The following CACNA1C variants were observed in gnomAD, a reference collection of about 807,000 sequenced individuals.
CACNA1C encodes calcium voltage-gated channel subunit alpha1 C, also known as voltage-dependent L-type calcium channel subunit alpha-1C.
In CACNA1C, 30 loss-of-function variants were observed where a neutral mutation model predicts 229.0. That is an observed-to-expected ratio of 0.13 (90% CI 0.10 to 0.18). The LOEUF (loss-of-function observed/expected upper bound fraction) is 0.18, where lower values mean the gene tolerates loss of function less well. Ranked by LOEUF, CACNA1C falls within the 10% of genes least tolerant of loss-of-function variation. The probability of loss-of-function intolerance (pLI) is 1.00; values close to 1 mark genes in which losing one functional copy is unlikely to be tolerated. For synonymous variants in CACNA1C, 1,114 were observed against 1,132.5 expected (o/e 0.98, Z 0.33); for missense variants, 1,658 against 2,845.0 (o/e 0.58, Z 9.49).
At chr12:2,305,123 TCTC>T (rs2094911310) in intron 3 of CACNA1C, among the ~76,000 whole-genome samples, 1 of 152,192 alleles carries the variant, frequency 6.6e-6, no homozygotes, top group South Asian at 2.1e-4. Context: ...TCTTCCCTGA[TCTC>T]CTGTCCTGCA....
At chr12:2,499,581 G>T (rs1363605434) in intron 7 of CACNA1C, among the ~76,000 whole-genome samples, 2 of 152,180 alleles carry the variant, frequency 1.3e-5, no homozygotes, top group African/African-American at 2.4e-5. Context: ...TTGCCGAAAG[G>T]TCTTTGATAG....
At chr12:2,132,307 G>A (rs1422596242) in intron 3 of CACNA1C, among the ~76,000 whole-genome samples, 2 of 89,034 alleles carry the variant, frequency 2.2e-5, no homozygotes, top group African/African-American at 1.0e-4. Context: ...TCCTTCTCCT[G>A]CCTAATTGCC....
At chr12:2,521,048 C>G (rs2099808770) in intron 9 of CACNA1C, among the ~76,000 whole-genome samples, 1 of 152,352 alleles carries the variant, frequency 6.6e-6, no homozygotes, top group Admixed American at 6.5e-5. Flanking sequence ...AGGGGAGTGT[C>G]CAGGCCAAAA....
chr12:2,553,130 T>C (rs775688425), intron 10 of CACNA1C, among the ~76,000 whole-genome samples: 3 of 152,064 alleles, frequency 2.0e-5, no homozygotes, highest in Non-Finnish European at 2.9e-5. Context: ...CCCACCAACC[T>C]CCAGCTAGCC....
chr12:2,126,120 A>T (rs1256991636), intron 3 of CACNA1C, among the ~76,000 whole-genome samples: 1 of 150,390 alleles, frequency 6.6e-6, no homozygotes, highest in African/African-American at 2.5e-5. Context: ...TCCAGAATAG[A>T]GTTTTTTTTT....
intron 3 of CACNA1C, among the ~76,000 whole-genome samples, chr12:2,301,653 A>G (rs1482250112): frequency 6.6e-6 from 1 of 152,144 alleles, no homozygotes; most frequent in Admixed American, 6.5e-5. Flanking sequence ...CCCTTCTCAC[A>G]TAGTCCCTGT....
intron 3 of CACNA1C, among the ~76,000 whole-genome samples, chr12:2,296,754 T>A (rs1259002187): frequency 1.3e-5 from 2 of 152,244 alleles, no homozygotes; most frequent in Non-Finnish European, 2.9e-5. Flanking sequence ...TGGTCTGTGG[T>A]CTAACAGTAC....
At chr12:2,430,243 A>C (rs1308064693) in intron 3 of CACNA1C, among the ~76,000 whole-genome samples, 1 of 152,142 alleles carries the variant, frequency 6.6e-6, no homozygotes, top group Non-Finnish European at 1.5e-5. Flanking sequence ...GGATTTCAAC[A>C]TAGGAATTTG....
At chr12:2,372,736 A>G (rs1168059127) in intron 3 of CACNA1C, among the ~76,000 whole-genome samples, 1 of 152,158 alleles carries the variant, frequency 6.6e-6, no homozygotes, top group African/African-American at 2.4e-5. Context: ...TCCAAGGCCC[A>G]TCCATCCGTT....
In CACNA1C at chr12:2,403,014, A is replaced by G. The variant is rs190141692; in HGVS notation, c.478-45962A>G. On this transcript the variant is annotated intron_variant, in intron 3 of 46. Coordinates refer to ENST00000399655, the MANE Select transcript of CACNA1C (RefSeq NM_000719.7). The surrounding 1 kb of genome is among the most constrained non-coding windows in gnomAD (Gnocchi z 4.1). Reference sequence around the variant, plus strand: ...GCGAGCTGAAAGAGATAGACAGATCATGAGGATCTTCAAGTTAGGGGCATT... The same window carrying G: ...GCGAGCTGAAAGAGATAGACAGATCGTGAGGATCTTCAAGTTAGGGGCATT... Among the ~76,000 whole-genome samples the G allele has an allele frequency of 2.0e-5, 3 of 152,276 alleles. No homozygotes were observed. The East Asian group carries it at 5.8e-4, about 29-fold the overall frequency.
chr12:2,096,425 C>G (rs2074011899), intron 1 of CACNA1C, among the ~76,000 whole-genome samples: 1 of 152,172 alleles, frequency 6.6e-6, no homozygotes, highest in African/African-American at 2.4e-5. Flanking sequence ...TCTATCCTCC[C>G]ATCTCCTTCC....
At chr12:2,212,369 A>G (rs1187344976) in intron 3 of CACNA1C, among the ~76,000 whole-genome samples, 2 of 152,224 alleles carry the variant, frequency 1.3e-5, no homozygotes, top group East Asian at 1.9e-4. Context: ...AGATTATTAC[A>G]TATTATCTGA....
chr12:2,085,733 C>T (rs1404706419), intron 1 of CACNA1C, among the ~76,000 whole-genome samples: 3 of 152,150 alleles, frequency 2.0e-5, no homozygotes, highest in Non-Finnish European at 4.4e-5. Context: ...ACTGTGTCAC[C>T]AGGAAACAAA....
chr12:2,134,445 T>C (rs1425697765), intron 3 of CACNA1C, among the ~76,000 whole-genome samples: 47 of 109,120 alleles, frequency 4.3e-4, no homozygotes, highest in African/African-American at 7.2e-4. Context: ...CGGCTGGTAC[T>C]GGTTGTTCCT....
In CACNA1C at chr12:2,508,804, A is replaced by AT. The variant is rs371626411; in HGVS notation, c.1217+3865dup. On this transcript the variant is annotated intron_variant, in intron 8 of 46. Transcript: ENST00000399655. ...CAATATAAAGAATAGATATTAAAGGATTTTTTCAAAATACTTTATTATCTG... is the reference window on the plus strand; with the variant it reads ...CAATATAAAGAATAGATATTAAAGGATTTTTTTCAAAATACTTTATTATCTG... 4.5e-3 allele frequency among the ~76,000 whole-genome samples: 690 copies of AT among 152,306 alleles called. 9 individuals carry two copies. Among genetic ancestry groups the AT allele is most frequent in the African/African-American group, 0.016 (647 of 41,566 alleles).
chr12:2,075,474 C>G (rs1042215250), intron 1 of CACNA1C, among the ~76,000 whole-genome samples: 5 of 152,222 alleles, frequency 3.3e-5, no homozygotes, highest in Non-Finnish European at 5.9e-5. Flanking sequence ...TTAATTTGCT[C>G]AAGGTCACAC....
At chr12:1,981,557 G>A (rs2036137173) in intron 1 of CACNA1C, among the ~76,000 whole-genome samples, 1 of 152,172 alleles carries the variant, frequency 6.6e-6, no homozygotes, top group Admixed American at 6.5e-5. Flanking sequence ...GATTTAGCAT[G>A]TTATTTTGAA....
chr12:2,233,707 A>G (rs554200500), intron 3 of CACNA1C, among the ~76,000 whole-genome samples: 2 of 152,210 alleles, frequency 1.3e-5, no homozygotes, highest in African/African-American at 2.4e-5. Flanking sequence ...GAAGATATAT[A>G]CTTTGACTTG....
rs115653748 is a variant in CACNA1C, at chr12:2,626,076, A to C, written c.3829-8221A>C. 9.4e-3 allele frequency among the ~76,000 whole-genome samples: 1,431 copies of C among 152,362 alleles called. 23 individuals carry two copies. The highest frequency in any genetic ancestry group is 0.032 in the African/African-American group (1,313 of 41,582). Reference sequence around the variant, plus strand: ...AACCTGCCTGCACAACCCGAGGCTCATTGTGGGAAGTGAAGGCGGTCTATC... The same window carrying C: ...AACCTGCCTGCACAACCCGAGGCTCCTTGTGGGAAGTGAAGGCGGTCTATC... On this transcript the variant is annotated intron_variant, in intron 29 of 46. Coordinates refer to ENST00000399655, the MANE Select transcript of CACNA1C (RefSeq NM_000719.7).
Sources: allele counts gnomAD v4.1 joint callset (sites outside exome capture counted in the v4.1 genomes callset), GRCh38; gene constraint gnomAD v4.1.1; non-coding constraint Gnocchi (gnomAD v3.1); transcripts MANE v1.5; gene names NCBI Gene and HGNC (gene_info 2026-07-23, HGNC 2026-07-21).